The following GABRB3 variants were observed in gnomAD, a reference collection of about 807,000 sequenced individuals.
GABRB3 encodes the protein gamma-aminobutyric acid type A receptor subunit beta3.
A neutral mutation model predicts 52.1 loss-of-function variants in GABRB3; 14 were observed. That is an observed-to-expected ratio of 0.27 (90% CI 0.18 to 0.42). The LOEUF (loss-of-function observed/expected upper bound fraction) is 0.42. Ranked by LOEUF, GABRB3 falls within the 10% of genes least tolerant of loss-of-function variation. The pLI, the probability that GABRB3 is intolerant of heterozygous loss-of-function variation, is 1.00. For missense variants in GABRB3, 307 were observed against 609.1 expected (o/e 0.50, Z 5.22); for synonymous variants, 260 against 232.3 (o/e 1.12, Z -1.08).
At chr15:26,644,899 A>G (rs1261298041) in intron 3 of GABRB3, among the ~76,000 whole-genome samples, 1 of 152,252 alleles carries the variant, frequency 6.6e-6, no homozygotes, top group Admixed American at 6.5e-5. Flanking sequence ...ATAGGTTTGT[A>G]GTAAAATTTT....
chr15:26,624,534 T>C lies in GABRB3; in HGVS notation c.241-3000A>G, dbSNP rs779796274. ...GCCTGACAGCTCGGGCTCCGCGTCT[T>C]ATTTTGGACTGTGTCGCTCTCCGCA... On this transcript the variant is annotated intron_variant, in intron 3 of 8. Coordinates refer to ENST00000311550, the MANE Select transcript of GABRB3 (RefSeq NM_000814.6). The C allele has an allele frequency of 2.5e-4, 247 of 985,398 alleles. 1 individual carries two copies. The highest frequency in any genetic ancestry group is 1.4e-3 in the Admixed American group (22 of 16,282). 61.0% of individuals were successfully genotyped at this position (985,398 alleles called of 1,614,324 possible).
chr15:26,755,005 C>CTTTT (rs5811447), intron 3 of GABRB3, among the ~76,000 whole-genome samples: 21 of 139,170 alleles, frequency 1.5e-4, no homozygotes, highest in Non-Finnish European at 1.5e-4. Flanking sequence ...CCTCTAACAA[C>CTTTT]TTTTTTTTTT....
At chr15:26,672,325 C>T (rs755327874) in intron 3 of GABRB3, among the ~76,000 whole-genome samples, 1 of 152,170 alleles carries the variant, frequency 6.6e-6, no homozygotes, top group Admixed American at 6.5e-5. Flanking sequence ...ACTGTTATCA[C>T]AAGAGAGCAG....
At chr15:26,591,691 A>T (rs1402477523) in intron 4 of GABRB3, among the ~76,000 whole-genome samples, 1 of 152,224 alleles carries the variant, frequency 6.6e-6, no homozygotes, top group African/African-American at 2.4e-5. Flanking sequence ...ACAGCTTGAA[A>T]GAATCACTAA....
intron 3 of GABRB3, among the ~76,000 whole-genome samples, chr15:26,645,340 C>G (rs977140877): frequency 1.3e-5 from 2 of 152,126 alleles, no homozygotes; most frequent in Non-Finnish European, 2.9e-5. Context: ...TGTGTGTATC[C>G]AAAGATAGTG....
chr15:26,691,316 A>T (rs994057607), intron 3 of GABRB3, among the ~76,000 whole-genome samples: 1 of 152,208 alleles, frequency 6.6e-6, no homozygotes, highest in African/African-American at 2.4e-5. Context: ...GTACGGAAGG[A>T]AAGAACCATC....
intron 3 of GABRB3, among the ~76,000 whole-genome samples, chr15:26,727,647 C>T (rs1198362000): frequency 6.6e-6 from 1 of 152,148 alleles, no homozygotes; most frequent in African/African-American, 2.4e-5. Context: ...ATCAGGAAGC[C>T]AGGTATGCTC....
At chr15:26,646,783 T>G (rs1421412121) in intron 3 of GABRB3, among the ~76,000 whole-genome samples, 1 of 152,192 alleles carries the variant, frequency 6.6e-6, no homozygotes, top group Non-Finnish European at 1.5e-5. Context: ...CTAATTTGCA[T>G]TTCCCTAGCG....
At chr15:26,768,079 G>T (rs1891045369) in intron 3 of GABRB3, among the ~76,000 whole-genome samples, 1 of 152,030 alleles carries the variant, frequency 6.6e-6, no homozygotes, top group South Asian at 2.1e-4. Context: ...AAAACAGCTA[G>T]CATAATGGAT....
At chr15:26,612,098 C>A (rs1012988500) in intron 4 of GABRB3, 2 of 151,980 alleles carry the variant, frequency 1.3e-5, no homozygotes, top group African/African-American at 4.8e-5. Context: ...GAACAAAAAA[C>A]AATGGAAGTA....
At chr15:26,736,853 G>T (rs1890077647) in intron 3 of GABRB3, among the ~76,000 whole-genome samples, 1 of 152,248 alleles carries the variant, frequency 6.6e-6, no homozygotes, top group South Asian at 2.1e-4. Context: ...GGCCAAAGGG[G>T]TCTGAAGCTG....
rs1249539619 is a variant in GABRB3, at chr15:26,545,050, GCT to G, written c.*2741_*2742del. On this transcript the variant is annotated 3_prime_UTR_variant, in exon 9 of 9. Coordinates refer to ENST00000311550, the MANE Select transcript of GABRB3 (RefSeq NM_000814.6). ...ACACAGTCAGAGTTCTCTTCTCAAT[GCT>G]CTCACAAGTTTTAAAAATGGAGAAG... is the stretch of plus-strand genomic sequence containing the variant. 6.6e-6 allele frequency: 1 copy of G among 152,524 alleles called. No individual in the cohort carries two copies. Among genetic ancestry groups the G allele is most frequent in the Non-Finnish European group, 1.5e-5 (1 of 68,032 alleles). 9.4% of individuals were successfully genotyped at this position (152,524 alleles called of 1,614,324 possible). A position where few individuals can be genotyped will look rare whatever the true frequency, so the allele number is the denominator to read the frequency against.
chr15:26,648,899 C>T (rs905338443), intron 3 of GABRB3, among the ~76,000 whole-genome samples: 1 of 151,910 alleles, frequency 6.6e-6, no homozygotes, highest in Non-Finnish European at 1.5e-5. Context: ...GGTGGGGTTC[C>T]AGGGAGGGGC....
Position 26,664,704 on chromosome 15 carries a change from G to GTTTTT in GABRB3, c.241-43175_241-43171dup, listed in dbSNP as rs1162139952. ...CCTTATCATTTCTTTTCTTTTCTTT[G>GTTTTT]TTTTTTTTTTTTTTTTTTTGGTGGA... On this transcript the variant is annotated intron_variant, in intron 3 of 8. Coordinates refer to ENST00000311550, the MANE Select transcript of GABRB3 (RefSeq NM_000814.6). 6.4e-4 allele frequency among the ~76,000 whole-genome samples: 61 copies of GTTTTT among 95,188 alleles called. 1 individual carries two copies. The highest frequency in any genetic ancestry group is 7.5e-4 in the Non-Finnish European group (39 of 52,220). 62.4% of individuals were successfully genotyped at this position (95,188 alleles called of 152,430 possible). A position where few individuals can be genotyped will look rare whatever the true frequency, so the allele number is the denominator to read the frequency against.
intron 4 of GABRB3, among the ~76,000 whole-genome samples, chr15:26,606,843 T>TA (rs1465390615): frequency 6.6e-6 from 1 of 151,774 alleles, no homozygotes; most frequent in Non-Finnish European, 1.5e-5. Flanking sequence ...GATAGATAGA[T>TA]ATGGTTAAAG....
At chr15:26,767,667 C>T (rs1302664851) in intron 3 of GABRB3, among the ~76,000 whole-genome samples, 1 of 152,138 alleles carries the variant, frequency 6.6e-6, no homozygotes, top group Admixed American at 6.5e-5. Flanking sequence ...TGCCTGAGAA[C>T]CTGGCCAGGG....
At chr15:26,586,815 C>T (rs1227662067) in intron 4 of GABRB3, among the ~76,000 whole-genome samples, 1 of 151,550 alleles carries the variant, frequency 6.6e-6, no homozygotes, top group Non-Finnish European at 1.5e-5. Flanking sequence ...ACAAATATCA[C>T]ATTTTCACTT....
At chr15:26,683,554 A>C (rs1888306348) in intron 3 of GABRB3, among the ~76,000 whole-genome samples, 1 of 152,230 alleles carries the variant, frequency 6.6e-6, no homozygotes, top group Non-Finnish European at 1.5e-5. Context: ...CTCTAGGTGC[A>C]GACATGATTG....
At chr15:26,661,921 T>TG (rs1887564861) in intron 3 of GABRB3, among the ~76,000 whole-genome samples, 1 of 151,856 alleles carries the variant, frequency 6.6e-6, no homozygotes, top group Admixed American at 6.5e-5. Flanking sequence ...GTAGCTCTGA[T>TG]TGCCACAAAC....
Sources: allele counts gnomAD v4.1 joint callset (sites outside exome capture counted in the v4.1 genomes callset), GRCh38; gene constraint gnomAD v4.1.1; transcripts MANE v1.5; gene names NCBI Gene and HGNC (gene_info 2026-07-23, HGNC 2026-07-21).